The following AP2B1 variants were observed in gnomAD, a reference collection of about 807,000 sequenced individuals.
AP2B1 encodes AP-2 complex subunit beta.
Under a neutral mutation model 102.0 loss-of-function variants are expected in AP2B1, and 23 were observed. The observed-to-expected ratio is 0.23, with a 90% CI of 0.16 to 0.32. The LOEUF is 0.32. Among genes scored for constraint, AP2B1 ranks in the 10% least tolerant of loss-of-function variants. AP2B1 has a pLI of 1.00. For synonymous variants in AP2B1, 381 were observed against 421.2 expected, an observed-to-expected ratio of 0.90 and a Z score of 1.17; for missense variants, 541 against 1,157.4, an observed-to-expected ratio of 0.47 and a Z score of 7.73.
At chr17:35,603,554 G>A (rs1002697035) in intron 3 of AP2B1, among the ~76,000 whole-genome samples, 2 of 152,094 alleles carry the variant, frequency 1.3e-5, no homozygotes, top group Non-Finnish European at 2.9e-5. Context: ...AATATGTAAT[G>A]TTAAAAAAAT....
intron 9 of AP2B1, among the ~76,000 whole-genome samples, chr17:35,628,126 A>G (rs2074367125): frequency 6.6e-6 from 1 of 152,210 alleles, no homozygotes; most frequent in South Asian, 2.1e-4. Flanking sequence ...TAGTATTTAC[A>G]TTGCATTAGG....
chr17:35,647,945 G>T (rs2074981921), intron 12 of AP2B1, among the ~76,000 whole-genome samples: 1 of 145,566 alleles, frequency 6.9e-6, no homozygotes, highest in Non-Finnish European at 1.5e-5. Flanking sequence ...AGGCTGGACT[G>T]CAGTGACTTG....
At chr17:35,601,390 C>T (rs1309869670) in intron 3 of AP2B1, among the ~76,000 whole-genome samples, 4 of 152,108 alleles carry the variant, frequency 2.6e-5, no homozygotes, top group Non-Finnish European at 5.9e-5. Context: ...AGTGCAGTGG[C>T]GCAATCTCGG....
intron 19 of AP2B1, 119 bp downstream of exon 19, chr17:35,709,427 T>C: frequency 1.3e-6 from 1 of 767,398 alleles, no homozygotes; most frequent in Non-Finnish European, 2.2e-6. Flanking sequence ...GGGTTAAGGA[T>C]ATTCTAAAGC....
intron 9 of AP2B1, among the ~76,000 whole-genome samples, chr17:35,635,468 T>A (rs1209788077): frequency 1.3e-5 from 2 of 151,810 alleles, no homozygotes; most frequent in Admixed American, 6.6e-5. Context: ...AACTACAACC[T>A]CTGCCTCCTG....
chr17:35,629,228 G>A (rs1278066449), intron 9 of AP2B1, among the ~76,000 whole-genome samples: 1 of 152,196 alleles, frequency 6.6e-6, no homozygotes, highest in Admixed American at 6.5e-5. Context: ...GATTATAGGT[G>A]TGAGTTACCA....
intron 13 of AP2B1, among the ~76,000 whole-genome samples, chr17:35,654,225 C>T (rs1037473620): frequency 6.6e-6 from 1 of 151,950 alleles, no homozygotes; most frequent in Non-Finnish European, 1.5e-5. Flanking sequence ...CCACTCCTAG[C>T]TAATTTTTTT....
intron 14 of AP2B1, among the ~76,000 whole-genome samples, chr17:35,663,528 T>C (rs1336252742): frequency 6.6e-6 from 1 of 152,242 alleles, no homozygotes; most frequent in African/African-American, 2.4e-5. Flanking sequence ...ATTGTCATCT[T>C]GCAGAATAGA....
intron 3 of AP2B1, among the ~76,000 whole-genome samples, chr17:35,603,980 G>C (rs2073575165): frequency 6.6e-6 from 1 of 152,026 alleles, no homozygotes; most frequent in African/African-American, 2.4e-5. Flanking sequence ...CATACGTGAA[G>C]GATATAGATT....
At chr17:35,655,712 C>T (rs995921169) in intron 13 of AP2B1, among the ~76,000 whole-genome samples, 2 of 152,202 alleles carry the variant, frequency 1.3e-5, no homozygotes, top group Admixed American at 6.5e-5. Context: ...GTAGGAGACA[C>T]TGCCAATTTT....
intron 18 of AP2B1, among the ~76,000 whole-genome samples, chr17:35,695,943 A>G (rs970275233): frequency 6.6e-6 from 1 of 152,094 alleles, no homozygotes; most frequent in African/African-American, 2.4e-5. Flanking sequence ...GTTTACTGTT[A>G]AACTCAGGTA....
chr17:35,711,043 T>C (rs1393563116), intron 20 of AP2B1, among the ~76,000 whole-genome samples: 2 of 152,300 alleles, frequency 1.3e-5, no homozygotes, highest in African/African-American at 4.8e-5. Context: ...TAAAAGAACA[T>C]GAAAGGGGTA....
At chr17:35,631,849 C>T (rs1272109724) in intron 9 of AP2B1, among the ~76,000 whole-genome samples, 2 of 152,196 alleles carry the variant, frequency 1.3e-5, no homozygotes, top group Non-Finnish European at 2.9e-5. Flanking sequence ...CTCATGTCCT[C>T]TGCACCTTTT....
intron 17 of AP2B1, among the ~76,000 whole-genome samples, chr17:35,675,199 G>A (rs1326545073): frequency 6.6e-6 from 1 of 152,132 alleles, no homozygotes; most frequent in Non-Finnish European, 1.5e-5. Context: ...AACATCAGTG[G>A]GTTTTATTCA....
intron 20 of AP2B1, among the ~76,000 whole-genome samples, chr17:35,712,250 C>A (rs1358282173): frequency 2.0e-5 from 3 of 152,114 alleles, no homozygotes; most frequent in Non-Finnish European, 4.4e-5. Context: ...AGAGACCAGG[C>A]CCCTGGTTAT....
chr17:35,598,201 C>T (rs1352536325), intron 2 of AP2B1, 29 bp from the exon 3 acceptor site: 2 of 1,470,326 alleles, frequency 1.4e-6, no homozygotes, highest in African/African-American at 2.8e-5. Context: ...GGTACTGGAA[C>T]CTTACCAGTT....
intron 5 of AP2B1, among the ~76,000 whole-genome samples, chr17:35,618,331 AT>A (rs2074081500): frequency 6.6e-6 from 1 of 152,258 alleles, no homozygotes; most frequent in Non-Finnish European, 1.5e-5. Flanking sequence ...GAACAAAAAT[AT>A]GTAAACCACC....
Position 35,636,556 on chromosome 17 carries a change from T to G in AP2B1, c.1271+100T>G, listed in dbSNP as rs1011294513. 49 of 848,594 alleles carry G rather than the reference T, an allele frequency of 5.8e-5. No homozygotes were observed. In the Middle Eastern group the frequency reaches 9.0e-4, roughly 16 times the overall value. 52.6% of individuals were successfully genotyped at this position (848,594 alleles called of 1,614,324 possible). A position where few individuals can be genotyped will look rare whatever the true frequency, so the allele number is the denominator to read the frequency against. ...TAAGAATTACTCTTTTGAATGTTCCTGGTCATAATAGGATACTTTATCAAA... is the reference window on the plus strand; with the variant it reads ...TAAGAATTACTCTTTTGAATGTTCCGGGTCATAATAGGATACTTTATCAAA... On this transcript the variant is annotated intron_variant, in intron 10 of 21. Coordinates refer to ENST00000610402, the MANE Select transcript of AP2B1 (RefSeq NM_001030006.2).
intron 14 of AP2B1, chr17:35,659,736 A>T: frequency 1.1e-6 from 1 of 896,768 alleles, no homozygotes. Context: ...TGACTTTGGG[A>T]TCTAAAATGG....
Sources: gnomAD v4.1 joint callset for allele counts (sites outside exome capture counted in the v4.1 genomes callset) on GRCh38, gnomAD v4.1.1 for gene constraint, MANE v1.5 for transcripts, NCBI Gene and HGNC (gene_info 2026-07-23, HGNC 2026-07-21) for gene names.